PSIP1: variants seen among roughly 807,000 people sequenced by gnomAD.
The protein encoded by PSIP1 is PC4 and SRSF1 interacting protein 1, also known as PC4 and SFRS1-interacting protein.
A neutral mutation model predicts 74.7 loss-of-function variants in PSIP1; 19 were observed. The observed-to-expected ratio is 0.25, with a 90% confidence interval of 0.18 to 0.37. The LOEUF is 0.37. Ranked by LOEUF, PSIP1 falls within the 10% of genes least tolerant of loss-of-function variation. The probability of loss-of-function intolerance (pLI) is 1.00; values close to 1 mark genes in which losing one functional copy is unlikely to be tolerated. For synonymous variants in PSIP1, 222 were observed against 195.3 expected (o/e 1.14, Z -1.14); for missense variants, 601 against 614.3 (o/e 0.98, Z 0.23).
intron 6 of PSIP1, among the ~76,000 whole-genome samples, chr9:15,484,323 G>C (rs2036466857): frequency 1.3e-5 from 2 of 151,300 alleles, no homozygotes; most frequent in Non-Finnish European, 2.9e-5. Flanking sequence ...TATAGGCCAG[G>C]CCCGGTGGCT....
At chr9:15,471,359 C>T (rs188931888) in intron 10 of PSIP1, 3 of 1,559,930 alleles carry the variant, frequency 1.9e-6, no homozygotes, top group Non-Finnish European at 2.6e-6. Context: ...AAAGAAAACA[C>T]AAATATTAGA....
intron 3 of PSIP1, among the ~76,000 whole-genome samples, chr9:15,495,987 C>G (rs934390910): frequency 6.6e-6 from 1 of 152,042 alleles, no homozygotes; most frequent in African/African-American, 2.4e-5. Context: ...GACCAATTTC[C>G]TTGTTTATTT....
At chr9:15,474,851 T>C (rs887011731) in intron 8 of PSIP1, among the ~76,000 whole-genome samples, 1 of 152,210 alleles carries the variant, frequency 6.6e-6, no homozygotes, top group African/African-American at 2.4e-5. Flanking sequence ...AAGCAATTCT[T>C]TTACAAATAA....
chr9:15,494,149 T>C (rs2036964660), intron 3 of PSIP1, among the ~76,000 whole-genome samples: 1 of 152,224 alleles, frequency 6.6e-6, no homozygotes, highest in Non-Finnish European at 1.5e-5. Context: ...ATTAGATACA[T>C]ATCATAAATT....
At chr9:15,493,862 G>A (rs1048173931) in intron 3 of PSIP1, among the ~76,000 whole-genome samples, 4 of 152,128 alleles carry the variant, frequency 2.6e-5, no homozygotes, top group East Asian at 1.9e-4. Context: ...ATTACAATTC[G>A]AGGTGTAATT....
At chr9:15,486,754 C>T in intron 5 of PSIP1, 73 bp downstream of exon 5, 1 of 1,049,384 alleles carries the variant, frequency 9.5e-7, no homozygotes, top group South Asian at 1.4e-5. Context: ...ACTAATTAAT[C>T]ATGGCCAACT....
At chr9:15,504,543 C>G (rs2037496086) in intron 3 of PSIP1, among the ~76,000 whole-genome samples, 1 of 152,054 alleles carries the variant, frequency 6.6e-6, no homozygotes, top group Admixed American at 6.6e-5. Context: ...CGAGACCATC[C>G]TGGCTAACAC....
chr9:15,471,900 C>A (rs565752781), intron 10 of PSIP1: 1 of 982,614 alleles, frequency 1.0e-6, no homozygotes, highest in Non-Finnish European at 1.2e-6. Flanking sequence ...GAATGTAAGA[C>A]GCTTCACGAG....
rs762532520 is a variant in PSIP1 at position 15,486,848 on chromosome 9, A to T, written c.372T>A (p.His124Gln). Residue 124 changes from histidine to glutamine, a missense_variant, in exon 5 of 16, where the codon CAT becomes CAA. His to Gln is a conservative substitution (Grantham distance 24, BLOSUM62 0). Transcript: ENST00000380733. Reference protein sequence around the residue: ...ETSVSKEDTDHEEKASNEDVT... With the variant: ...ETSVSKEDTDQEEKASNEDVT... The stretch of plus-strand genomic sequence containing the variant: ...ATACCTCATTGCTGGCTTTTTCTTC[A>T]TGGTCGGTATCTTCCTTTGAAACAC... 6 of 1,607,250 alleles carry T rather than the reference A, an allele frequency of 3.7e-6. No individual in the cohort carries two copies. The highest frequency in any genetic ancestry group is 5.1e-6 in the Non-Finnish European group (6 of 1,176,188).
intron 2 of PSIP1, among the ~76,000 whole-genome samples, chr9:15,509,235 A>C (rs1586876384): frequency 6.6e-6 from 1 of 152,248 alleles, no homozygotes; most frequent in Non-Finnish European, 1.5e-5. Context: ...ACCCCATGTA[A>C]GTATATTTTT....
At chr9:15,482,867 A>G (rs2036395824) in intron 6 of PSIP1, among the ~76,000 whole-genome samples, 1 of 152,120 alleles carries the variant, frequency 6.6e-6, no homozygotes, top group African/African-American at 2.4e-5. Flanking sequence ...TTACCATTCA[A>G]CTAAATGGAG....
At chr9:15,467,203 A>G (rs2035677024) in intron 14 of PSIP1, among the ~76,000 whole-genome samples, 1 of 152,208 alleles carries the variant, frequency 6.6e-6, no homozygotes, top group Non-Finnish European at 1.5e-5. Context: ...AATTCTTAGC[A>G]TATTCATTTA....
At chr9:15,481,932 A>G (rs1369031480) in intron 6 of PSIP1, among the ~76,000 whole-genome samples, 2 of 152,198 alleles carry the variant, frequency 1.3e-5, no homozygotes, top group Non-Finnish European at 2.9e-5. Context: ...CGAAACATAT[A>G]TATTTAAAAC....
chr9:15,468,119 C>CT (rs1414768964), intron 14 of PSIP1, among the ~76,000 whole-genome samples: 1 of 52,510 alleles, frequency 1.9e-5, no homozygotes, highest in South Asian at 4.4e-4. Context: ...GAAACTCCAT[C>CT]TTTTAAAAAA....
At chr9:15,486,970 T>G (rs1218400536) in intron 4 of PSIP1, 39 bp from the exon 5 acceptor site, 2 of 1,325,016 alleles carry the variant, frequency 1.5e-6, no homozygotes, top group East Asian at 4.7e-5. Flanking sequence ...AAAAATAAGT[T>G]TTTATCCCAA....
chr9:15,475,309 T>G (rs1376301113), intron 8 of PSIP1, among the ~76,000 whole-genome samples: 2 of 152,178 alleles, frequency 1.3e-5, no homozygotes, highest in Non-Finnish European at 2.9e-5. Context: ...GTGAAACTAT[T>G]TGCTTTCTTC....
At position 15,486,108 on chromosome 9, in the gene PSIP1, T is replaced by C. The variant is rs967024254; in HGVS notation, c.394-40A>G. Reference sequence around the variant, plus strand: ...AGAAAACTGAATACTGAATAAATTATTCCAGGAATGAAAGAAACCTTGTTA... The same window carrying C: ...AGAAAACTGAATACTGAATAAATTACTCCAGGAATGAAAGAAACCTTGTTA... On this transcript the variant is annotated intron_variant, in intron 5 of 15. Coordinates refer to ENST00000380733, the MANE Select transcript of PSIP1 (RefSeq NM_033222.5). 1.4e-5 allele frequency: 21 copies of C among 1,474,458 alleles called. No individual in the cohort carries two copies. The African/African-American group carries it at 2.8e-4, about 20-fold the overall frequency. The allele number at this position is 1,474,458 out of a possible 1,614,324, so 91.3% of individuals were successfully genotyped here.
rs752023757 is a variant in PSIP1 at position 15,468,786 on chromosome 9, T to C, written c.1264A>G (p.Lys422Glu). The stretch of plus-strand genomic sequence containing the variant: ...CCAACCAAGAACATGTTCTTAAACT[T>C]GTTATACAACATTGTAGACTTTTCC... ...IMEKSTMLYN[K>E]FKNMFLVGEG... Residue 422 changes from lysine to glutamate, a missense_variant, in exon 14 of 16, where the codon AAG becomes GAG. Coordinates refer to ENST00000380733, the MANE Select transcript of PSIP1 (RefSeq NM_033222.5). The C allele has an allele frequency of 2.5e-6, 4 of 1,613,962 alleles. No homozygotes were observed. Among genetic ancestry groups the C allele is most frequent in the Non-Finnish European group, 3.4e-6 (4 of 1,179,964 alleles).
intron 4 of PSIP1, among the ~76,000 whole-genome samples, chr9:15,487,816 A>G (rs531306465): frequency 2.0e-5 from 3 of 152,244 alleles, no homozygotes; most frequent in African/African-American, 4.8e-5. Flanking sequence ...CAGAGGCAAC[A>G]TAATATTCTG....
Sources: allele counts gnomAD v4.1 joint callset (sites outside exome capture counted in the v4.1 genomes callset), GRCh38; gene constraint gnomAD v4.1.1; transcripts MANE v1.5; gene names NCBI Gene and HGNC (gene_info 2026-07-23, HGNC 2026-07-21).